Variants in RGS6 observed in about 807,000 individuals in gnomAD.
The protein encoded by RGS6 is regulator of G-protein signaling 6.
A neutral mutation model predicts 78.5 loss-of-function variants in RGS6; 30 were observed. The ratio of observed to expected loss-of-function variants is 0.38; its 90% CI spans 0.29 to 0.52. RGS6 has a LOEUF of 0.52. RGS6 is among the 20% of genes least tolerant of loss of function. The pLI, the probability that RGS6 is intolerant of heterozygous loss-of-function variation, is 0.85. For synonymous variants in RGS6, 206 were observed against 206.0 expected (o/e 1.00, Z 0.00); for missense variants, 495 against 609.7 (o/e 0.81, Z 1.98).
At chr14:72,342,220 C>A (rs755728404) in intron 2 of RGS6, among the ~76,000 whole-genome samples, 1 of 148,362 alleles carries the variant, frequency 6.7e-6, no homozygotes, top group Non-Finnish European at 1.5e-5. Context: ...AAAAAAGGAT[C>A]TTTGTTTTTT....
At chr14:71,951,652 G>A (rs2092330044) in intron 1 of RGS6, among the ~76,000 whole-genome samples, 1 of 152,136 alleles carries the variant, frequency 6.6e-6, no homozygotes, top group Admixed American at 6.5e-5. Context: ...ATGGGATTTT[G>A]ATTGGGATTG....
At chr14:72,595,714 G>A in the RGS6 span, among the ~76,000 whole-genome samples, 1 of 152,176 alleles carries the variant, frequency 6.6e-6, no homozygotes, top group Non-Finnish European at 1.5e-5. Context: ...TTATTTAATT[G>A]ATGGCCTCTG....
At chr14:72,623,802 A>T in the RGS6 span, among the ~76,000 whole-genome samples, 1 of 152,324 alleles carries the variant, frequency 6.6e-6, no homozygotes, top group East Asian at 1.9e-4. Flanking sequence ...CAAAATTAGC[A>T]CCTCTAGCAC....
chr14:72,444,565 G>A (rs1461531688), intron 3 of RGS6, among the ~76,000 whole-genome samples: 2 of 152,160 alleles, frequency 1.3e-5, no homozygotes, highest in Admixed American at 1.3e-4. Context: ...TTCTCGGTCT[G>A]GGGTCTTCTC....
At chr14:71,975,473 T>C (rs764267826) in intron 2 of RGS6, among the ~76,000 whole-genome samples, 1 of 152,094 alleles carries the variant, frequency 6.6e-6, no homozygotes, top group Non-Finnish European at 1.5e-5. Context: ...GATTCTTTTT[T>C]TTTTTGATGG....
intron 2 of RGS6, among the ~76,000 whole-genome samples, chr14:72,295,787 T>C (rs562407849): frequency 6.6e-6 from 1 of 152,236 alleles, no homozygotes; most frequent in African/African-American, 2.4e-5. Flanking sequence ...AGGAAACTGC[T>C]ATTAGCGTTT....
chr14:71,890,362 G>GAC, the RGS6 span, among the ~76,000 whole-genome samples: 5 of 84,606 alleles, frequency 5.9e-5, no homozygotes, highest in African/African-American at 5.8e-4. Context: ...ATAAGACAGA[G>GAC]AGAGAGAGAG....
At chr14:72,316,069 T>G (rs2070108580) in intron 2 of RGS6, among the ~76,000 whole-genome samples, 1 of 152,204 alleles carries the variant, frequency 6.6e-6, no homozygotes, top group Non-Finnish European at 1.5e-5. Context: ...TTCTTTGCCC[T>G]TTACCGTTTG....
At chr14:71,871,125 T>C in the RGS6 span, among the ~76,000 whole-genome samples, 4 of 152,170 alleles carry the variant, frequency 2.6e-5, no homozygotes, top group Non-Finnish European at 4.4e-5. Flanking sequence ...CCTGTTCCCA[T>C]AGACTGAGCT....
rs1451283565 is a variant in RGS6 at position 72,288,581 on chromosome 14, T to C, written c.85-63514T>C. The stretch of plus-strand genomic sequence containing the variant: ...AGCACAGGCTGGAGGGAGGTCAAAG[T>C]CACATTCTGGGGAAACTAGATGTAT... On this transcript the variant is annotated intron_variant, in intron 2 of 17. Transcript: ENST00000553525. Among the ~76,000 whole-genome samples the C allele has an allele frequency of 2.0e-5, 3 of 152,154 alleles. No individual in the cohort carries two copies. In the East Asian group the frequency reaches 5.8e-4, roughly 29 times the overall value.
At chr14:71,904,133 A>C in the RGS6 span, among the ~76,000 whole-genome samples, 3 of 152,238 alleles carry the variant, frequency 2.0e-5, no homozygotes, top group African/African-American at 4.8e-5. Context: ...GGCTTCTGCT[A>C]TCCAGCGTCT....
intron 3 of RGS6, among the ~76,000 whole-genome samples, chr14:72,364,967 A>G (rs542555891): frequency 5.3e-5 from 8 of 152,286 alleles, no homozygotes; most frequent in Non-Finnish European, 1.0e-4. Flanking sequence ...AAAAAGTAGT[A>G]TCTTGCTGCA....
intron 2 of RGS6, among the ~76,000 whole-genome samples, chr14:72,230,046 T>C (rs1287719693): frequency 2.0e-5 from 3 of 152,202 alleles, no homozygotes; most frequent in African/African-American, 7.2e-5. Flanking sequence ...CAGCCTGAGC[T>C]CCTTATCATC....
chr14:71,982,642 G>A (rs2094520667), intron 2 of RGS6, among the ~76,000 whole-genome samples: 1 of 152,156 alleles, frequency 6.6e-6, no homozygotes, highest in African/African-American at 2.4e-5. Context: ...CTATGACACT[G>A]CCAAAAGCTC....
At chr14:72,052,117 T>C (rs1416815613) in intron 2 of RGS6, among the ~76,000 whole-genome samples, 1 of 152,124 alleles carries the variant, frequency 6.6e-6, no homozygotes, top group Non-Finnish European at 1.5e-5. Context: ...TTTCCAACTC[T>C]AGAGACTTGA....
chr14:72,417,810 T>C (rs1420596702), intron 3 of RGS6, among the ~76,000 whole-genome samples: 1 of 152,238 alleles, frequency 6.6e-6, no homozygotes, highest in Non-Finnish European at 1.5e-5. Flanking sequence ...GTAGGTGCTG[T>C]TAATTCTTCT....
At chr14:72,533,856 A>G (rs1450461728) in intron 15 of RGS6, among the ~76,000 whole-genome samples, 1 of 152,238 alleles carries the variant, frequency 6.6e-6, no homozygotes, top group Non-Finnish European at 1.5e-5. Context: ...AAGAGTAAAG[A>G]AAGTGGTTTC....
chr14:72,474,886 G>T (rs1020518673), intron 10 of RGS6, among the ~76,000 whole-genome samples, 187 bp downstream of exon 10: 2 of 152,236 alleles, frequency 1.3e-5, no homozygotes, highest in Non-Finnish European at 2.9e-5. Context: ...GGATACAGTG[G>T]CAGGTCCTCA....
At chr14:72,509,843 T>C (rs967340552) in intron 13 of RGS6, among the ~76,000 whole-genome samples, 1 of 152,148 alleles carries the variant, frequency 6.6e-6, no homozygotes, top group Admixed American at 6.6e-5. Flanking sequence ...GAGTCAAAAG[T>C]TGAGTCCATA....
Sources: gnomAD v4.1 joint callset for allele counts (sites outside exome capture counted in the v4.1 genomes callset) on GRCh38, gnomAD v4.1.1 for gene constraint, MANE v1.5 for transcripts, NCBI Gene and HGNC (gene_info 2026-07-23, HGNC 2026-07-21) for gene names.